ST8SIA4: variants seen among roughly 807,000 people sequenced by gnomAD.
The protein encoded by ST8SIA4 is ST8 alpha-N-acetyl-neuraminide alpha-2,8-sialyltransferase 4.
In ST8SIA4, 15 loss-of-function variants were observed where a neutral mutation model predicts 33.9. The ratio of observed to expected loss-of-function variants is 0.44; its 90% CI spans 0.30 to 0.68. ST8SIA4 has a LOEUF of 0.68. Ranked by LOEUF, ST8SIA4 falls within the 30% of genes least tolerant of loss-of-function variation. The pLI is 0.10. For missense variants in ST8SIA4, 321 were observed against 428.0 expected, an observed-to-expected ratio of 0.75 and a Z score of 2.21; for synonymous variants, 171 against 151.2, an observed-to-expected ratio of 1.13 and a Z score of -0.96.
intron 2 of ST8SIA4, among the ~76,000 whole-genome samples, 169 bp from the exon 3 acceptor site, chr5:100,886,769 A>C (rs1007620149): frequency 6.6e-6 from 1 of 152,148 alleles, no homozygotes; most frequent in Non-Finnish European, 1.5e-5. Context: ...CAATGAATTA[A>C]GTCGATTCTA....
intron 3 of ST8SIA4, among the ~76,000 whole-genome samples, chr5:100,868,409 A>G (rs899129472): frequency 6.6e-6 from 1 of 152,054 alleles, no homozygotes; most frequent in African/African-American, 2.4e-5. Flanking sequence ...CTATTCTATT[A>G]CTAATCATCT....
chr5:100,900,439 T>A, intron 1 of ST8SIA4: 1 of 456,276 alleles, frequency 2.2e-6, no homozygotes, highest in Non-Finnish European at 4.4e-6. Flanking sequence ...GATGGTTTTA[T>A]GAGTCAACTC....
intron 4 of ST8SIA4, among the ~76,000 whole-genome samples, chr5:100,850,314 T>C (rs1204756204): frequency 2.0e-5 from 3 of 152,078 alleles, no homozygotes; most frequent in Non-Finnish European, 2.9e-5. Flanking sequence ...TCTTGATTAA[T>C]ACAAAGTAGA....
chr5:100,813,703 C>G (rs933130961), intron 4 of ST8SIA4, among the ~76,000 whole-genome samples: 4 of 151,846 alleles, frequency 2.6e-5, no homozygotes, highest in African/African-American at 9.7e-5. Context: ...TCTGAGAAAA[C>G]AAGTGTTTTT....
At chr5:100,861,709 T>A (rs1056554232) in intron 3 of ST8SIA4, among the ~76,000 whole-genome samples, 1 of 152,218 alleles carries the variant, frequency 6.6e-6, no homozygotes, top group African/African-American at 2.4e-5. Flanking sequence ...TCAGTAACCA[T>A]GTGGGCAATG....
At chr5:100,813,457 T>C (rs554899050) in intron 4 of ST8SIA4, among the ~76,000 whole-genome samples, 23 of 152,172 alleles carry the variant, frequency 1.5e-4, no homozygotes, top group African/African-American at 5.3e-4. Context: ...GAACTCTTTA[T>C]TATCACAATT....
chr5:100,831,002 A>G (rs570427756), intron 4 of ST8SIA4, among the ~76,000 whole-genome samples: 3 of 152,330 alleles, frequency 2.0e-5, no homozygotes, highest in South Asian at 4.1e-4. Context: ...GCTTCTCAAA[A>G]TAAAACCTAT....
rs1329836096 is a variant in ST8SIA4 at position 100,808,040 on chromosome 5, C to T, written c.*3807G>A. The T allele has an allele frequency of 1.3e-5, 2 of 152,494 alleles. No homozygotes were observed. The highest frequency in any genetic ancestry group is 2.4e-5 in the African/African-American group (1 of 41,406). 9.4% of individuals were successfully genotyped at this position (152,494 alleles called of 1,614,324 possible). A position where few individuals can be genotyped will look rare whatever the true frequency, so the allele number is the denominator to read the frequency against. The stretch of plus-strand genomic sequence containing the variant: ...TGTAGAGATAACAACTAACTATACA[C>T]AACTCTTCCCATACCCCTTCCACAA... On this transcript the variant is annotated 3_prime_UTR_variant, in exon 5 of 5. Coordinates refer to ENST00000231461, the MANE Select transcript of ST8SIA4 (RefSeq NM_005668.6).
chr5:100,880,925 A>G (rs184118622), intron 3 of ST8SIA4, among the ~76,000 whole-genome samples: 485 of 152,332 alleles, frequency 3.2e-3, no homozygotes, highest in Non-Finnish European at 5.0e-3. Flanking sequence ...TGACACTCTA[A>G]GACATAGTTA....
intron 4 of ST8SIA4, among the ~76,000 whole-genome samples, chr5:100,840,093 ATCTTATTTGG>A (rs1234240916): frequency 6.6e-6 from 1 of 151,762 alleles, no homozygotes; most frequent in Non-Finnish European, 1.5e-5. Context: ...ATCATGTCAT[ATCTTATTTGG>A]TCTTATCAGT....
At chr5:100,870,981 T>A (rs956982729) in intron 3 of ST8SIA4, among the ~76,000 whole-genome samples, 3 of 152,088 alleles carry the variant, frequency 2.0e-5, no homozygotes, top group Admixed American at 2.0e-4. Flanking sequence ...TCCTAAACTA[T>A]AAGTGGTTAT....
At chr5:100,901,509 G>C (rs1360406838) in intron 1 of ST8SIA4, among the ~76,000 whole-genome samples, 1 of 152,148 alleles carries the variant, frequency 6.6e-6, no homozygotes, top group African/African-American at 2.4e-5. Context: ...CCAAAGTCCT[G>C]CTTTTCTAAC....
At chr5:100,849,563 C>A (rs1410867215) in intron 4 of ST8SIA4, 1 of 566,798 alleles carries the variant, frequency 1.8e-6, no homozygotes, top group Middle Eastern at 8.6e-4. Context: ...GGATGGATCA[C>A]CTGAGGTTGC....
intron 2 of ST8SIA4, among the ~76,000 whole-genome samples, chr5:100,891,528 T>C (rs1752665032): frequency 6.6e-6 from 1 of 152,024 alleles, no homozygotes. Flanking sequence ...GAAAGACATC[T>C]TAGTGTCAAA....
At position 100,848,131 on chromosome 5, in the gene ST8SIA4, A is replaced by G. The variant is rs570845651; in HGVS notation, c.797+7972T>C. Reference sequence around the variant, plus strand: ...TTACTACAAATAAATTCAAGATGGCATGTCAAACACCAACAACAGAAATAT... The same window carrying G: ...TTACTACAAATAAATTCAAGATGGCGTGTCAAACACCAACAACAGAAATAT... On this transcript the variant is annotated intron_variant, in intron 4 of 4. Transcript: ENST00000231461. Among the ~76,000 whole-genome samples, 14 of 152,102 alleles carry G rather than the reference A, an allele frequency of 9.2e-5. No individual in the cohort carries two copies. The South Asian group carries it at 2.1e-3, about 23-fold the overall frequency.
intron 3 of ST8SIA4, among the ~76,000 whole-genome samples, chr5:100,863,884 C>T (rs1299263149): frequency 6.6e-6 from 1 of 152,214 alleles, no homozygotes; most frequent in Non-Finnish European, 1.5e-5. Context: ...CTCTGTCTTA[C>T]ACTGTCTTTA....
At chr5:100,823,079 T>C (rs747265645) in intron 4 of ST8SIA4, among the ~76,000 whole-genome samples, 1 of 151,864 alleles carries the variant, frequency 6.6e-6, no homozygotes, top group Non-Finnish European at 1.5e-5. Flanking sequence ...TGCACTGAGC[T>C]GAGATGGCGC....
chr5:100,832,819 G>T (rs977032429), intron 4 of ST8SIA4, among the ~76,000 whole-genome samples: 1 of 151,834 alleles, frequency 6.6e-6, no homozygotes, highest in Non-Finnish European at 1.5e-5. Flanking sequence ...CTACTCTATT[G>T]CTTTTGCTCC....
chr5:100,887,209 C>A (rs1381851967), intron 2 of ST8SIA4, among the ~76,000 whole-genome samples: 1 of 151,994 alleles, frequency 6.6e-6, no homozygotes, highest in Admixed American at 6.6e-5. Context: ...AAGATGGATA[C>A]ATCAAAGACA....
Sources: allele counts gnomAD v4.1 joint callset (sites outside exome capture counted in the v4.1 genomes callset), GRCh38; gene constraint gnomAD v4.1.1; transcripts MANE v1.5; gene names NCBI Gene and HGNC (gene_info 2026-07-23, HGNC 2026-07-21).